Variants in ANO2 observed in about 807,000 individuals in gnomAD.
ANO2 encodes the protein anoctamin 2.
ANO2 carries 101 observed loss-of-function variants against 124.2 expected under a neutral mutation model. The observed-to-expected ratio is 0.81, with a 90% CI of 0.69 to 0.96. The LOEUF is 0.96. Among genes scored for constraint, ANO2 ranks in the 40% least tolerant of loss-of-function variants. ANO2 has a pLI of 0.00. For missense variants in ANO2, 1,293 were observed against 1,274.5 expected (o/e 1.01, Z -0.22); for synonymous variants, 486 against 482.5 (o/e 1.01, Z -0.09).
chr12:5,833,828 T>C (rs1013653173), intron 4 of ANO2, among the ~76,000 whole-genome samples: 1 of 152,112 alleles, frequency 6.6e-6, no homozygotes, highest in East Asian at 1.9e-4. Context: ...ACCCCTACCC[T>C]TGGTCCATGG....
chr12:5,844,986 A>C (rs993110794), intron 4 of ANO2, among the ~76,000 whole-genome samples: 12 of 148,866 alleles, frequency 8.1e-5, no homozygotes, highest in Non-Finnish European at 1.5e-4. Context: ...AAAACCAAAG[A>C]CTAGGCTGGG....
chr12:5,819,721 C>T (rs192417700), intron 7 of ANO2, among the ~76,000 whole-genome samples: 2 of 152,320 alleles, frequency 1.3e-5, no homozygotes, highest in East Asian at 1.9e-4. Context: ...GAGGGCAGCA[C>T]CTGCATCTTT....
At chr12:5,896,541 CA>C (rs1287263436) in intron 3 of ANO2, among the ~76,000 whole-genome samples, 1 of 152,082 alleles carries the variant, frequency 6.6e-6, no homozygotes, top group Non-Finnish European at 1.5e-5. Flanking sequence ...TCTAGATGGT[CA>C]GAATGAAGAT....
At chr12:5,640,327 A>G (rs1946274812) in intron 15 of ANO2, among the ~76,000 whole-genome samples, 1 of 152,152 alleles carries the variant, frequency 6.6e-6, no homozygotes, top group Admixed American at 6.5e-5. Flanking sequence ...GAACTTTATC[A>G]CAGAAAGTTA....
intron 4 of ANO2, among the ~76,000 whole-genome samples, chr12:5,847,377 C>T (rs1053957208): frequency 2.0e-5 from 3 of 152,056 alleles, no homozygotes; most frequent in Non-Finnish European, 2.9e-5. Flanking sequence ...GGGTCTCCAT[C>T]GCATGAACTG....
intron 10 of ANO2, among the ~76,000 whole-genome samples, chr12:5,753,480 A>AT (rs758864491): frequency 2.0e-5 from 3 of 152,142 alleles, no homozygotes; most frequent in Non-Finnish European, 4.4e-5. Flanking sequence ...TTTCAGCTTA[A>AT]TTTTTTCATT....
At chr12:5,590,619 G>A (rs2136867418) in intron 20 of ANO2, among the ~76,000 whole-genome samples, 1 of 152,344 alleles carries the variant, frequency 6.6e-6, no homozygotes, top group South Asian at 2.1e-4. Context: ...CCAGTTCAGA[G>A]TTTGCTTGGC....
intron 19 of ANO2, among the ~76,000 whole-genome samples, chr12:5,608,143 G>A (rs1944310923): frequency 6.6e-6 from 1 of 151,708 alleles, no homozygotes; most frequent in African/African-American, 2.4e-5. Flanking sequence ...TCACTGGCAG[G>A]CTCAATCATC....
At chr12:5,854,404 A>AC (rs1955028409) in intron 3 of ANO2, among the ~76,000 whole-genome samples, 1 of 151,044 alleles carries the variant, frequency 6.6e-6, no homozygotes, top group Non-Finnish European at 1.5e-5. Context: ...AGAGCAAAAA[A>AC]AAAAAAAAAA....
chr12:5,825,732 A>C (rs982371075), intron 7 of ANO2, among the ~76,000 whole-genome samples: 2 of 152,222 alleles, frequency 1.3e-5, no homozygotes, highest in African/African-American at 4.8e-5. Context: ...AAGAGTGTAC[A>C]TGCAATACAG....
intron 14 of ANO2, among the ~76,000 whole-genome samples, chr12:5,699,591 A>G (rs866926670): frequency 6.6e-6 from 1 of 152,182 alleles, no homozygotes; most frequent in Non-Finnish European, 1.5e-5. Flanking sequence ...CACACGTAAC[A>G]TATTAATCTT....
chr12:5,661,495 T>C (rs564407061), intron 14 of ANO2, among the ~76,000 whole-genome samples: 3 of 152,168 alleles, frequency 2.0e-5, no homozygotes, highest in Non-Finnish European at 2.9e-5. Context: ...GGGGTGCCTA[T>C]AGCTTACTGT....
At position 5,563,441 on chromosome 12, in the gene ANO2, T is replaced by C; in HGVS notation, c.2855A>G (p.Lys952Arg). Residue 952 changes from lysine to arginine, a missense_variant, in exon 25 of 25, where the codon AAG becomes AGG. Transcript: ENST00000682330. ...VDFFLKEEHE[K>R]LKLMDEPALR... ...AGCCGGCTCATCCATCAGCTTGAGCTTCTCATGCTCCTCTTTCAGGAAGAA... is the reference window on the plus strand; with the variant it reads ...AGCCGGCTCATCCATCAGCTTGAGCCTCTCATGCTCCTCTTTCAGGAAGAA... 2.5e-6 allele frequency: 4 copies of C among 1,613,730 alleles called. No homozygotes were observed. The highest frequency in any genetic ancestry group is 3.4e-6 in the Non-Finnish European group (4 of 1,179,810).
At chr12:5,818,173 A>AGG (rs1555168885) in intron 7 of ANO2, among the ~76,000 whole-genome samples, 1 of 151,864 alleles carries the variant, frequency 6.6e-6, no homozygotes, top group Non-Finnish European at 1.5e-5. Flanking sequence ...GGTGTTGCCA[A>AGG]AGATTAACAT....
At chr12:5,784,947 C>T (rs764786965) in intron 10 of ANO2, among the ~76,000 whole-genome samples, 1 of 152,306 alleles carries the variant, frequency 6.6e-6, no homozygotes. Flanking sequence ...TTCCTAACCC[C>T]GAGTTCAGGG....
At chr12:5,851,133 A>G (rs1954882347) in intron 4 of ANO2, among the ~76,000 whole-genome samples, 1 of 152,180 alleles carries the variant, frequency 6.6e-6, no homozygotes, top group Admixed American at 6.5e-5. Context: ...TGGCTGCTTT[A>G]TACTATGTTC....
rs529752310 is a variant in ANO2, at chr12:5,578,126, C to G, written c.2387-119G>C. 28 of 1,334,410 alleles carry G rather than the reference C, an allele frequency of 2.1e-5. No homozygotes were observed. The South Asian group carries it at 2.5e-4, about 12-fold the overall frequency. The allele number at this position is 1,334,410 out of a possible 1,614,324, so 82.7% of individuals were successfully genotyped here. ...ACGGAGCAGCTTTGCTGGGCCCCCCCAGAATGGGCTTGTCTGGAAAGGCTT... is the reference window on the plus strand; with the variant it reads ...ACGGAGCAGCTTTGCTGGGCCCCCCGAGAATGGGCTTGTCTGGAAAGGCTT... On this transcript the variant is annotated intron_variant, in intron 21 of 24. Coordinates refer to ENST00000682330, the MANE Select transcript of ANO2 (RefSeq NM_001364791.2).
In ANO2 at chr12:5,636,251, C is replaced by A. The variant is rs1055860741; in HGVS notation, c.1621-904G>T. Among the ~76,000 whole-genome samples the A allele has an allele frequency of 3.9e-5, 6 of 152,042 alleles. No homozygotes were observed. The highest frequency in any genetic ancestry group is 8.8e-5 in the Non-Finnish European group (6 of 68,016). On this transcript the variant is annotated intron_variant, in intron 15 of 24. Transcript: ENST00000682330. The surrounding 1 kb of genome is among the most constrained non-coding windows in gnomAD (Gnocchi z 4.6). Reference sequence around the variant, plus strand: ...AACAGCCCCTCTTCCTTCTTCTGTCCCCACGTCCCCTCCTGTCCCCATCGC... The same window carrying A: ...AACAGCCCCTCTTCCTTCTTCTGTCACCACGTCCCCTCCTGTCCCCATCGC...
chr12:5,830,377 C>G lies in ANO2; in HGVS notation c.840+58G>C. The stretch of plus-strand genomic sequence containing the variant: ...GGAGGGTAAGAGAATGCCCTGCCAA[C>G]TAGGAACTCAGCCCTTTCCCCATCC... On this transcript the variant is annotated intron_variant, in intron 6 of 24. Transcript: ENST00000682330. 2.6e-6 allele frequency: 4 copies of G among 1,561,118 alleles called. No homozygotes were observed. The Admixed American group carries it at 5.4e-5, about 21-fold the overall frequency.
Sources: allele counts gnomAD v4.1 joint callset (sites outside exome capture counted in the v4.1 genomes callset), GRCh38; gene constraint gnomAD v4.1.1; non-coding constraint Gnocchi (gnomAD v3.1); transcripts MANE v1.5; gene names NCBI Gene and HGNC (gene_info 2026-07-23, HGNC 2026-07-21).